Variants in TNS3 observed in about 807,000 individuals in gnomAD.
The protein encoded by TNS3 is tensin-3.
TNS3 carries 45 observed loss-of-function variants against 140.9 expected under a neutral mutation model. That is an observed-to-expected ratio of 0.32 (90% CI 0.25 to 0.41). The LOEUF is 0.41. TNS3 is among the 10% of genes least tolerant of loss of function. The pLI is 1.00. For synonymous variants in TNS3, 815 were observed against 788.4 expected, an observed-to-expected ratio of 1.03 and a Z score of -0.56; for missense variants, 1,716 against 1,906.7, an observed-to-expected ratio of 0.90 and a Z score of 1.86.
chr7:47,327,411 C>T lies in TNS3; in HGVS notation c.2650+17344G>A, dbSNP rs142419982. ...TGCTTTCGGCATTTAGTAGAAACAA[C>T]TGTGCTGGGTGCTCAGAAGTGCAGC... On this transcript the variant is annotated intron_variant, in intron 20 of 30. Coordinates refer to ENST00000311160, the MANE Select transcript of TNS3 (RefSeq NM_022748.12). Among the ~76,000 whole-genome samples the T allele has an allele frequency of 3.9e-5, 6 of 152,334 alleles. No homozygotes were observed. The East Asian group carries it at 1.2e-3, about 29-fold the overall frequency.
At chr7:47,392,493 AGGCAGG>A (rs1792584559) in intron 16 of TNS3, among the ~76,000 whole-genome samples, 1 of 152,152 alleles carries the variant, frequency 6.6e-6, no homozygotes, top group African/African-American at 2.4e-5. Context: ...GGGATAGAAA[AGGCAGG>A]GGCAGGGGTG....
chr7:47,497,281 G>A (rs902094582), intron 3 of TNS3, among the ~76,000 whole-genome samples: 1 of 152,144 alleles, frequency 6.6e-6, no homozygotes, highest in Non-Finnish European at 1.5e-5. Context: ...TCCAGCAACT[G>A]ACACTGTAGA....
intron 1 of TNS3, among the ~76,000 whole-genome samples, chr7:47,560,700 C>T (rs1800303624): frequency 6.6e-6 from 1 of 152,198 alleles, no homozygotes; most frequent in African/African-American, 2.4e-5. Context: ...AGCAGCCCCA[C>T]CTCTCAGCAC....
intron 1 of TNS3, among the ~76,000 whole-genome samples, chr7:47,558,778 C>T (rs1408173104): frequency 6.6e-6 from 1 of 152,164 alleles, no homozygotes; most frequent in Non-Finnish European, 1.5e-5. Context: ...CCCTATGGGA[C>T]ATTCCTCTGT....
chr7:47,338,518 AT>A lies in TNS3; in HGVS notation c.2650+6236del, dbSNP rs201919732. On this transcript the variant is annotated intron_variant, in intron 20 of 30. Transcript: ENST00000311160. ...CTTTTTTTCTTTGAACCATTTTCTA[AT>A]TTTTTTTCCTACTGAATAAAAATCC... Among the ~76,000 whole-genome samples, 949 of 152,000 alleles carry A rather than the reference AT, an allele frequency of 6.2e-3. 9 individuals carry two copies. Among genetic ancestry groups the A allele is most frequent in the African/African-American group, 0.022 (892 of 41,454 alleles).
chr7:47,325,016 T>G (rs148315899), intron 20 of TNS3, among the ~76,000 whole-genome samples: 104 of 151,938 alleles, frequency 6.8e-4, no homozygotes, highest in Non-Finnish European at 1.3e-3. Context: ...ATGGGACCAC[T>G]GGGAAAACTA....
chr7:47,310,391 C>T (rs1787018896), intron 20 of TNS3, among the ~76,000 whole-genome samples: 1 of 152,098 alleles, frequency 6.6e-6, no homozygotes, highest in Non-Finnish European at 1.5e-5. Context: ...CAAGGTGAGA[C>T]CCTTGAAGGG....
At position 47,396,795 on chromosome 7, in the gene TNS3, C is replaced by G; in HGVS notation, c.1024+5G>C. On this transcript the variant is annotated splice_donor_5th_base_variant and intron_variant, in intron 16 of 30. Coordinates refer to ENST00000311160, the MANE Select transcript of TNS3 (RefSeq NM_022748.12). ...CATAACTGCACACAAGATGAACACA[C>G]GCACCTTCTCCATCTGCACTGAGGT... 1 of 1,609,676 alleles carries G rather than the reference C, an allele frequency of 6.2e-7. No homozygotes were observed. The highest frequency in any genetic ancestry group is 8.5e-7 in the Non-Finnish European group (1 of 1,175,902).
intron 2 of TNS3, among the ~76,000 whole-genome samples, 166 bp downstream of exon 2, chr7:47,528,870 G>A (rs1412348120): frequency 6.6e-5 from 10 of 152,138 alleles, no homozygotes; most frequent in Admixed American, 5.2e-4. Flanking sequence ...ATGTAAATAC[G>A]GTTGGCCCCT....
chr7:47,497,841 C>T (rs1798071455), intron 3 of TNS3, among the ~76,000 whole-genome samples: 1 of 152,212 alleles, frequency 6.6e-6, no homozygotes, highest in African/African-American at 2.4e-5. Flanking sequence ...GCTCCCCACC[C>T]TGGTCTATCT....
intron 20 of TNS3, among the ~76,000 whole-genome samples, chr7:47,342,640 G>A (rs1468021001): frequency 6.6e-6 from 1 of 152,140 alleles, no homozygotes; most frequent in East Asian, 1.9e-4. Context: ...CTGTGGAGTC[G>A]GCTGATGGAG....
In TNS3 at chr7:47,550,390, G is replaced by A. The variant is rs139141978; in HGVS notation, c.-264-21243C>T. Among the ~76,000 whole-genome samples the A allele has an allele frequency of 5.4e-3, 825 of 152,308 alleles. 10 individuals are homozygous for A. Among genetic ancestry groups the A allele is most frequent in the African/African-American group, 0.019 (774 of 41,562 alleles). On this transcript the variant is annotated intron_variant, in intron 1 of 30. Coordinates refer to ENST00000311160, the MANE Select transcript of TNS3 (RefSeq NM_022748.12). ...AGATAAACGCGTAGAACAAATGGGTGAGCAGCCAGACCACAGGATCCGTCC... is the reference window on the plus strand; with the variant it reads ...AGATAAACGCGTAGAACAAATGGGTAAGCAGCCAGACCACAGGATCCGTCC...
At chr7:47,405,382 C>T (rs747544151) in intron 13 of TNS3, 149 of 643,948 alleles carry the variant, frequency 2.3e-4, no homozygotes, top group Non-Finnish European at 3.9e-4. Flanking sequence ...TCTACGCAGG[C>T]CTCAAGGAAT....
At chr7:47,484,256 C>A (rs577140289) in intron 3 of TNS3, among the ~76,000 whole-genome samples, 15 of 152,328 alleles carry the variant, frequency 9.8e-5, no homozygotes, top group African/African-American at 3.6e-4. Context: ...GAAAAAGGGA[C>A]ATTCTAGAAG....
At chr7:47,530,836 A>ATATATATATAT (rs1236106676) in intron 1 of TNS3, among the ~76,000 whole-genome samples, 273 of 33,154 alleles carry the variant, frequency 8.2e-3, no homozygotes, top group African/African-American at 0.033. Context: ...AAAAAAAAAA[A>ATATATATATAT]AAATATATAT....
intron 6 of TNS3, among the ~76,000 whole-genome samples, chr7:47,438,892 T>C (rs1170201672): frequency 6.6e-6 from 1 of 152,094 alleles, no homozygotes; most frequent in Non-Finnish European, 1.5e-5. Context: ...TAGTGACTGT[T>C]GACAGCAGAA....
intron 20 of TNS3, among the ~76,000 whole-genome samples, chr7:47,334,338 G>A (rs976189284): frequency 2.6e-5 from 4 of 152,114 alleles, no homozygotes; most frequent in Non-Finnish European, 1.5e-5. Flanking sequence ...AATATATAAA[G>A]GCATCCTCTT....
intron 20 of TNS3, among the ~76,000 whole-genome samples, chr7:47,319,364 T>C (rs1291556978): frequency 6.6e-6 from 1 of 150,996 alleles, no homozygotes; most frequent in Non-Finnish European, 1.5e-5. Flanking sequence ...TGGCATCACA[T>C]GGTGAGAGGA....
intron 9 of TNS3, among the ~76,000 whole-genome samples, chr7:47,426,526 A>G (rs1188464220): frequency 6.6e-6 from 1 of 152,224 alleles, no homozygotes; most frequent in Non-Finnish European, 1.5e-5. Flanking sequence ...ATGATAGCCA[A>G]TACCTGAGTA....
Sources: allele counts gnomAD v4.1 joint callset (sites outside exome capture counted in the v4.1 genomes callset), GRCh38; gene constraint gnomAD v4.1.1; transcripts MANE v1.5; gene names NCBI Gene and HGNC (gene_info 2026-07-23, HGNC 2026-07-21).